The following ADGB variants were observed in gnomAD, a reference collection of about 807,000 sequenced individuals.
ADGB encodes the protein calpain-7-like protein.
In ADGB, 172 loss-of-function variants were observed where a neutral mutation model predicts 210.5. The ratio of observed to expected loss-of-function variants is 0.82; its 90% CI spans 0.72 to 0.93. The LOEUF is 0.93. Among genes scored for constraint, ADGB ranks in the 40% least tolerant of loss-of-function variants. The probability of loss-of-function intolerance (pLI) is 0.00; values close to 1 mark genes in which losing one functional copy is unlikely to be tolerated. For missense variants in ADGB, 2,025 were observed against 1,964.8 expected (o/e 1.03, Z -0.58); for synonymous variants, 658 against 662.7 (o/e 0.99, Z 0.11).
At chr6:146,625,101 T>A (rs1780953633) in intron 1 of ADGB, among the ~76,000 whole-genome samples, 1 of 152,034 alleles carries the variant, frequency 6.6e-6, no homozygotes, top group African/African-American at 2.4e-5. Context: ...TGTTCTATAT[T>A]CTTTATCTTC....
chr6:146,785,548 T>C (rs1777860090), intron 31 of ADGB, 62 bp from the exon 32 acceptor site: 1 of 1,295,138 alleles, frequency 7.7e-7, no homozygotes. Context: ...TTAACATGTA[T>C]TACCTGTACT....
intron 14 of ADGB, among the ~76,000 whole-genome samples, chr6:146,716,423 C>G (rs1372799547): frequency 7.4e-6 from 1 of 134,848 alleles, no homozygotes; most frequent in Non-Finnish European, 1.5e-5. Flanking sequence ...AACCCCGTCT[C>G]TACTAAAAAT....
Position 146,622,410 on chromosome 6 carries a change from AC to A in ADGB, c.75-12964del, listed in dbSNP as rs144881366. Among the ~76,000 whole-genome samples the A allele has an allele frequency of 3.5e-3, 529 of 152,262 alleles. 3 individuals carry two copies. Among genetic ancestry groups the A allele is most frequent in the Middle Eastern group, 6.8e-3 (2 of 294 alleles). ...ACGTTTTTATGACAAGATCAGATCC[AC>A]ACAGACAATCTTTGTTATTTTAAGG... On this transcript the variant is annotated intron_variant, in intron 1 of 35. Transcript: ENST00000397944.
chr6:146,705,001 T>G (rs555245218), intron 13 of ADGB, among the ~76,000 whole-genome samples: 9 of 152,258 alleles, frequency 5.9e-5, no homozygotes, highest in African/African-American at 2.2e-4. Context: ...TCTTATTTTA[T>G]TTCATCAATG....
chr6:146,803,148 A>G (rs1371356497), intron 35 of ADGB: 3 of 1,485,596 alleles, frequency 2.0e-6, no homozygotes, highest in African/African-American at 1.4e-5. Flanking sequence ...AAGATCTTCT[A>G]TCCTCAACAA....
At chr6:146,799,988 T>G (rs372127357) in intron 33 of ADGB, among the ~76,000 whole-genome samples, 49 of 152,178 alleles carry the variant, frequency 3.2e-4, no homozygotes, top group African/African-American at 1.1e-3. Flanking sequence ...TTTTGTATTT[T>G]TTGTAGAGAT....
intron 27 of ADGB, among the ~76,000 whole-genome samples, chr6:146,755,749 T>A (rs1180225917): frequency 6.6e-6 from 1 of 151,256 alleles, no homozygotes; most frequent in Non-Finnish European, 1.5e-5. Flanking sequence ...GTTTTTGAAT[T>A]ATTCCATCAC....
At chr6:146,807,890 A>G (rs1778236249) in intron 35 of ADGB, 2 of 172,326 alleles carry the variant, frequency 1.2e-5, no homozygotes, top group South Asian at 3.8e-4. Flanking sequence ...AAGCAACAGG[A>G]TTATCTTTGA....
intron 10 of ADGB, among the ~76,000 whole-genome samples, chr6:146,688,910 T>C (rs1776266915): frequency 6.6e-6 from 1 of 152,126 alleles, no homozygotes; most frequent in South Asian, 2.1e-4. Flanking sequence ...GCCAAGAACT[T>C]ACATTTATTT....
chr6:146,677,047 T>C (rs1038050818), intron 9 of ADGB, among the ~76,000 whole-genome samples: 1 of 152,192 alleles, frequency 6.6e-6, no homozygotes, highest in African/African-American at 2.4e-5. Flanking sequence ...TAAAATCACA[T>C]TGGAGCTCTT....
chr6:146,654,242 A>G, intron 4 of ADGB, 36 bp downstream of exon 4: 1 of 1,438,770 alleles, frequency 7.0e-7, no homozygotes, highest in East Asian at 2.5e-5. Flanking sequence ...TCTCACCATG[A>G]AATGACTTCC....
rs191523913 is a variant in ADGB at position 146,779,106 on chromosome 6, G to A, written c.3863-2914G>A. Among the ~76,000 whole-genome samples the A allele has an allele frequency of 5.3e-5, 8 of 150,294 alleles. No individual in the cohort carries two copies. The South Asian group carries it at 6.3e-4, about 12-fold the overall frequency. On this transcript the variant is annotated intron_variant, in intron 29 of 35. Transcript: ENST00000397944. ...GCCAATATTCCTGGCACATACTGGC[G>A]GATGCCAGAAGAAGTAAAATGGAGT...
chr6:146,678,057 A>G (rs1181221595), intron 9 of ADGB, among the ~76,000 whole-genome samples: 1 of 152,208 alleles, frequency 6.6e-6, no homozygotes, highest in Admixed American at 6.5e-5. Flanking sequence ...CTTCTCCCAC[A>G]GAGTTAAATC....
intron 1 of ADGB, among the ~76,000 whole-genome samples, chr6:146,606,327 T>C (rs1363726198): frequency 1.3e-5 from 2 of 152,204 alleles, no homozygotes; most frequent in African/African-American, 4.8e-5. Flanking sequence ...TGCAAATATT[T>C]TCTTCAATTC....
chr6:146,660,161 G>T (rs1240954260), intron 5 of ADGB, among the ~76,000 whole-genome samples: 1 of 152,020 alleles, frequency 6.6e-6, no homozygotes, highest in East Asian at 1.9e-4. Flanking sequence ...AATTTCCAGG[G>T]TAGAGCCTGC....
intron 1 of ADGB, among the ~76,000 whole-genome samples, chr6:146,627,708 C>T (rs568068594): frequency 2.6e-5 from 4 of 152,218 alleles, no homozygotes; most frequent in Admixed American, 6.6e-5. Flanking sequence ...GCTAAATATT[C>T]GTAGGTGACT....
intron 19 of ADGB, 27 bp downstream of exon 19, chr6:146,726,224 T>C: frequency 7.4e-7 from 1 of 1,350,946 alleles, no homozygotes; most frequent in South Asian, 1.3e-5. Flanking sequence ...CAGCAAGTTA[T>C]TTATTTATTT....
At chr6:146,641,590 A>T (rs1775516261) in intron 2 of ADGB, among the ~76,000 whole-genome samples, 1 of 151,982 alleles carries the variant, frequency 6.6e-6, no homozygotes, top group African/African-American at 2.4e-5. Context: ...GAGAGCCCAT[A>T]AGTAAGACCA....
intron 35 of ADGB, chr6:146,807,486 C>G: frequency 6.4e-7 from 1 of 1,551,590 alleles, no homozygotes; most frequent in Non-Finnish European, 8.7e-7. Flanking sequence ...GCACCTAAAG[C>G]TGGAAGCTCT....
Sources: gnomAD v4.1 joint callset for allele counts (sites outside exome capture counted in the v4.1 genomes callset) on GRCh38, gnomAD v4.1.1 for gene constraint, MANE v1.5 for transcripts, NCBI Gene and HGNC (gene_info 2026-07-23, HGNC 2026-07-21) for gene names.